The following THOC1 variants were observed in gnomAD, a reference collection of about 807,000 sequenced individuals.
The protein encoded by THOC1 is THO complex 1.
A neutral mutation model predicts 97.3 loss-of-function variants in THOC1; 29 were observed. That is an observed-to-expected ratio of 0.30 (90% CI 0.22 to 0.41). The LOEUF (loss-of-function observed/expected upper bound fraction) is 0.41, where lower values mean the gene tolerates loss of function less well. Ranked by LOEUF, THOC1 falls within the 10% of genes least tolerant of loss-of-function variation. The pLI, the probability that THOC1 is intolerant of heterozygous loss-of-function variation, is 1.00. For synonymous variants in THOC1, 255 were observed against 257.0 expected (o/e 0.99, Z 0.07); for missense variants, 529 against 761.9 (o/e 0.69, Z 3.60).
chr18:220,342 T>C (rs901651126), intron 17 of THOC1, among the ~76,000 whole-genome samples: 18 of 152,232 alleles, frequency 1.2e-4, no homozygotes, highest in African/African-American at 3.4e-4. Context: ...AAGCTAATGC[T>C]TCACAAAAGT....
At chr18:224,856 T>G in intron 15 of THOC1, 68 bp downstream of exon 15, 2 of 1,284,010 alleles carry the variant, frequency 1.6e-6, no homozygotes, top group Non-Finnish European at 2.2e-6. Flanking sequence ...TCGGAGCACA[T>G]TTTCAAAAGC....
At chr18:233,625 A>G (rs1911571776) in intron 11 of THOC1, among the ~76,000 whole-genome samples, 1 of 152,186 alleles carries the variant, frequency 6.6e-6, no homozygotes, top group Non-Finnish European at 1.5e-5. Context: ...TTTCCTCACT[A>G]GTTTATAATG....
At chr18:267,350 A>C (rs1912810122) in intron 1 of THOC1, among the ~76,000 whole-genome samples, 1 of 152,224 alleles carries the variant, frequency 6.6e-6, no homozygotes. Flanking sequence ...TTACTCTAAT[A>C]GTTAAATGAG....
Position 267,974 on chromosome 18 carries a change from G to T in THOC1, c.46C>A (p.Arg16=). ...TCCCCTCTACAGCTCACCGTAAACC[G>T]CGTCCGCGCTTCGGGCAAACTGAAG... ...PLFSLPEART[R]FTKSTREALN... Residue 16 remains arginine, a synonymous_variant, in exon 1 of 21, where the codon CGG becomes AGG. Transcript: ENST00000261600. 2 of 1,611,752 alleles carry T rather than the reference G, an allele frequency of 1.2e-6. No individual in the cohort carries two copies. Among genetic ancestry groups the T allele is most frequent in the Non-Finnish European group, 1.7e-6 (2 of 1,179,150 alleles).
At chr18:259,318 C>A in intron 6 of THOC1, 43 bp from the exon 7 acceptor site, 2 of 1,480,116 alleles carry the variant, frequency 1.4e-6, no homozygotes, top group Non-Finnish European at 1.9e-6. Context: ...AAAGATAATT[C>A]TATGTTTATT....
intron 17 of THOC1, among the ~76,000 whole-genome samples, chr18:222,222 A>G (rs1348063449): frequency 6.6e-6 from 1 of 151,530 alleles, no homozygotes; most frequent in African/African-American, 2.4e-5. Context: ...TTTTAAAATA[A>G]CCCTAAATAA....
In THOC1 at chr18:262,061, G is replaced by A. The variant is rs115910344; in HGVS notation, c.257-1757C>T. Among the ~76,000 whole-genome samples the A allele has an allele frequency of 2.2e-3, 336 of 152,232 alleles. 2 individuals carry two copies. The highest frequency in any genetic ancestry group is 7.9e-3 in the African/African-American group (326 of 41,522). ...GCCATGTTCATCCTTCCATGGTTTT[G>A]TTCACAATGTTGTTTTCTGCATACT... On this transcript the variant is annotated intron_variant, in intron 4 of 20. Transcript: ENST00000261600.
intron 17 of THOC1, among the ~76,000 whole-genome samples, chr18:221,752 GC>G (rs1911092921): frequency 6.6e-6 from 1 of 151,946 alleles, no homozygotes. Flanking sequence ...GAGACTACAG[GC>G]GCCTGCCACC....
At chr18:236,456 C>T (rs369129270) in intron 11 of THOC1, among the ~76,000 whole-genome samples, 19 of 149,694 alleles carry the variant, frequency 1.3e-4, no homozygotes, top group Non-Finnish European at 2.1e-4. Flanking sequence ...CCCGGGTTCA[C>T]GCCATTCTCC....
At chr18:248,770 T>G (rs1912177439) in intron 9 of THOC1, among the ~76,000 whole-genome samples, 1 of 151,958 alleles carries the variant, frequency 6.6e-6, no homozygotes, top group Non-Finnish European at 1.5e-5. Flanking sequence ...TTTTTTTTTT[T>G]AAAGGAGTCT....
Position 224,108 on chromosome 18 carries a change from G to T in THOC1, c.1280C>A (p.Pro427His). The T allele has an allele frequency of 6.2e-7, 1 of 1,609,502 alleles. No individual in the cohort carries two copies. The change falls in exon 16 of 21, where the codon CCC becomes CAC. Residue 427 changes from proline (P) to histidine (H), a missense_variant. Coordinates refer to ENST00000261600, the MANE Select transcript of THOC1 (RefSeq NM_005131.3). ...CTTTCCCATCAGAATTTTTTTGGTG[G>T]GTCCTTTCCCTAGGAAGTCCTCGGG... ...TAPEDFLGKG[P>H]TKKILMGNEE...
chr18:230,444 T>G (rs541588933), intron 11 of THOC1, among the ~76,000 whole-genome samples: 8 of 152,318 alleles, frequency 5.3e-5, no homozygotes, highest in Admixed American at 3.9e-4. Context: ...TTGAAAGATT[T>G]TCCTTGATAG....
intron 18 of THOC1, among the ~76,000 whole-genome samples, chr18:218,651 G>GT (rs946705305): frequency 3.8e-4 from 57 of 149,618 alleles, no homozygotes; most frequent in Middle Eastern, 3.4e-3. Context: ...ATCAGGGGGA[G>GT]TTTTTTTTTT....
intron 11 of THOC1, among the ~76,000 whole-genome samples, chr18:231,337 G>C (rs1911479750): frequency 6.6e-6 from 1 of 152,080 alleles, no homozygotes; most frequent in Admixed American, 6.5e-5. Context: ...TTTCATTTTA[G>C]TCATCCTTAC....
chr18:244,015 T>C (rs973047505), intron 11 of THOC1, among the ~76,000 whole-genome samples: 1 of 152,106 alleles, frequency 6.6e-6, no homozygotes, highest in East Asian at 1.9e-4. Context: ...TTGATCTCTG[T>C]TCTTTGAGAG....
chr18:266,539 AT>A (rs10644972), intron 1 of THOC1, among the ~76,000 whole-genome samples: 2,353 of 136,062 alleles, frequency 0.017, 21 homozygotes, highest in Middle Eastern at 0.04. Context: ...GGCTAGTATG[AT>A]TTTTTTTTTT....
At chr18:267,504 CACGGTGGGTTAA>C (rs769272093) in intron 1 of THOC1, among the ~76,000 whole-genome samples, 27 of 152,360 alleles carry the variant, frequency 1.8e-4, no homozygotes, top group Non-Finnish European at 3.7e-4. Flanking sequence ...AGGAGTTAGA[CACGGTGGGTTAA>C]GGGGTGGTGA....
At chr18:222,853 A>G (rs939353176) in intron 17 of THOC1, among the ~76,000 whole-genome samples, 8 of 152,056 alleles carry the variant, frequency 5.3e-5, no homozygotes, top group Non-Finnish European at 5.9e-5. Flanking sequence ...CTCCTTAAGT[A>G]TTATACTTCT....
chr18:267,036 T>A (rs541299730), intron 1 of THOC1, among the ~76,000 whole-genome samples: 39 of 142,502 alleles, frequency 2.7e-4, no homozygotes, highest in African/African-American at 9.1e-4. Context: ...TATATATATA[T>A]AACCCTGCAA....
Sources: allele counts gnomAD v4.1 joint callset (sites outside exome capture counted in the v4.1 genomes callset), GRCh38; gene constraint gnomAD v4.1.1; transcripts MANE v1.5; gene names NCBI Gene and HGNC (gene_info 2026-07-23, HGNC 2026-07-21).